Variants in DACH2 observed in about 807,000 individuals in gnomAD.
DACH2 encodes dachshund homolog 2.
DACH2 carries 17 observed loss-of-function variants against 35.8 expected under a neutral mutation model. The ratio of observed to expected loss-of-function variants is 0.48; its 90% CI spans 0.33 to 0.71. The LOEUF is 0.71. Ranked by LOEUF, DACH2 falls within the 30% of genes least tolerant of loss-of-function variation. The pLI, the probability that DACH2 is intolerant of heterozygous loss-of-function variation, is 0.02. For synonymous variants in DACH2, 195 were observed against 177.3 expected, an observed-to-expected ratio of 1.10 and a Z score of -0.79; for missense variants, 469 against 472.7, an observed-to-expected ratio of 0.99 and a Z score of 0.07.
intron 3 of DACH2, among the ~76,000 whole-genome samples, chrX:86,648,947 G>C (rs1302284486): frequency 9.1e-6 from 1 of 110,007 alleles, no homozygotes; most frequent in Non-Finnish European, 1.9e-5. Context: ...ATCCTTTAGA[G>C]ATTTTTTTTT....
chrX:86,290,799 A>G (rs1436983927), intron 1 of DACH2, among the ~76,000 whole-genome samples: 1 of 97,859 alleles, frequency 1.0e-5, no homozygotes, highest in East Asian at 3.4e-4. Flanking sequence ...TTTTGGTACC[A>G]GTACCATGCT....
chrX:86,697,699 A>AT (rs1285058080), intron 5 of DACH2, among the ~76,000 whole-genome samples: 2 of 64,802 alleles, frequency 3.1e-5, no homozygotes, highest in Non-Finnish European at 5.9e-5. Flanking sequence ...AATGCTAGGG[A>AT]TAAAAAAAAA....
chrX:86,479,271 C>T (rs953774516), intron 2 of DACH2, among the ~76,000 whole-genome samples: 81 of 110,711 alleles, frequency 7.3e-4, no homozygotes, highest in African/African-American at 2.6e-3. Flanking sequence ...GGGGGCATGG[C>T]GGGCCAGCGT....
intron 2 of DACH2, among the ~76,000 whole-genome samples, chrX:86,466,299 C>T (rs1400705091): frequency 9.0e-6 from 1 of 111,169 alleles, no homozygotes; most frequent in African/African-American, 3.3e-5. Context: ...GAGTCCCTCC[C>T]ACAACATGCA....
chrX:86,393,955 T>G (rs2036240661), intron 2 of DACH2, among the ~76,000 whole-genome samples: 1 of 108,197 alleles, frequency 9.2e-6, no homozygotes, highest in African/African-American at 3.3e-5. Flanking sequence ...ATTATTATTA[T>G]TATTATTATT....
intron 4 of DACH2, among the ~76,000 whole-genome samples, chrX:86,651,935 G>T (rs2040483376): frequency 8.9e-6 from 1 of 111,780 alleles, no homozygotes; most frequent in Non-Finnish European, 1.9e-5. Flanking sequence ...AAAGATTGAA[G>T]AAATATTTAA....
At chrX:86,196,416 G>T (rs1246179962) in intron 1 of DACH2, among the ~76,000 whole-genome samples, 1 of 110,613 alleles carries the variant, frequency 9.0e-6, no homozygotes, top group African/African-American at 3.3e-5. Flanking sequence ...AAGCAGGCTG[G>T]ATGCAGTGGC....
intron 7 of DACH2, among the ~76,000 whole-genome samples, chrX:86,769,249 C>T (rs1300576357): frequency 9.0e-6 from 1 of 111,548 alleles, no homozygotes; most frequent in East Asian, 2.8e-4. Flanking sequence ...AAGATCTCTG[C>T]AAGGAAAACT....
intron 4 of DACH2, among the ~76,000 whole-genome samples, chrX:86,657,418 A>G (rs2040556245): frequency 1.8e-5 from 2 of 111,443 alleles, no homozygotes. Flanking sequence ...CACAAATATT[A>G]TAAATTATTA....
chrX:86,814,573 T>G lies in DACH2; in HGVS notation c.1538-115T>G. 3 of 768,241 alleles carry G rather than the reference T, an allele frequency of 3.9e-6. No individual in the cohort carries two copies. In the South Asian group the frequency reaches 9.0e-5, roughly 23 times the overall value. 63.3% of individuals were successfully genotyped at this position (768,241 alleles called of 1,213,427 possible). A position where few individuals can be genotyped will look rare whatever the true frequency, so the allele number is the denominator to read the frequency against. The stretch of plus-strand genomic sequence containing the variant: ...AAAAGAACGCTAATCATATGTCAAG[T>G]GAAATATTTCTATATCTCTCTTTAT... On this transcript the variant is annotated intron_variant, in intron 9 of 11. Coordinates refer to ENST00000373125, the MANE Select transcript of DACH2 (RefSeq NM_053281.3).
intron 1 of DACH2, among the ~76,000 whole-genome samples, chrX:86,225,106 CTAAAA>C (rs1444738947): frequency 9.3e-6 from 1 of 107,827 alleles, no homozygotes; most frequent in African/African-American, 3.3e-5. Context: ...GATGAACACT[CTAAAA>C]TGAGAGCTAG....
At chrX:86,204,636 G>A (rs2032238826) in intron 1 of DACH2, among the ~76,000 whole-genome samples, 2 of 111,965 alleles carry the variant, frequency 1.8e-5, no homozygotes, top group African/African-American at 3.2e-5. Flanking sequence ...GTAAATCGAT[G>A]TTCAGGGGAT....
intron 3 of DACH2, among the ~76,000 whole-genome samples, chrX:86,597,191 G>A (rs775437917): frequency 1.8e-5 from 2 of 111,740 alleles, no homozygotes; most frequent in African/African-American, 6.5e-5. Context: ...ATATTGATTC[G>A]AATTGCATTG....
intron 2 of DACH2, among the ~76,000 whole-genome samples, chrX:86,406,298 A>C (rs985578028): frequency 7.1e-5 from 8 of 111,984 alleles, no homozygotes; most frequent in African/African-American, 1.3e-4. Context: ...ACAGAAAACT[A>C]AATATCACAT....
At chrX:86,684,574 T>C (rs889898008) in intron 4 of DACH2, among the ~76,000 whole-genome samples, 1 of 111,449 alleles carries the variant, frequency 9.0e-6, no homozygotes, top group African/African-American at 3.2e-5. Context: ...TAAATTATGT[T>C]ACAAGTAGAT....
chrX:86,828,915 T>G, intron 11 of DACH2: 1 of 111,594 alleles, frequency 9.0e-6, no homozygotes, highest in Admixed American at 9.6e-5. Flanking sequence ...ATATAATCCA[T>G]TGTGTTGTTT....
chrX:86,375,945 C>T (rs773764512), intron 1 of DACH2, among the ~76,000 whole-genome samples: 46 of 110,684 alleles, frequency 4.2e-4, no homozygotes, highest in African/African-American at 1.5e-3. Flanking sequence ...AAAAGAACCA[C>T]ATTATAGTCC....
Position 86,662,030 on chromosome X carries a change from T to C in DACH2, c.772+10863T>C, listed in dbSNP as rs762097724. Among the ~76,000 whole-genome samples, 6 of 112,201 alleles carry C rather than the reference T, an allele frequency of 5.3e-5. No homozygotes were observed. The Admixed American group carries it at 5.7e-4, about 11-fold the overall frequency. On this transcript the variant is annotated intron_variant, in intron 4 of 11. Coordinates refer to ENST00000373125, the MANE Select transcript of DACH2 (RefSeq NM_053281.3). ...AAGTGAAATATGATTGTTTGGTTGA[T>C]ATGTACAGAGAGGAATTGACCTCTG...
intron 4 of DACH2, among the ~76,000 whole-genome samples, chrX:86,667,303 AAAGAAGGAAG>A: frequency 3.2e-5 from 2 of 63,316 alleles, no homozygotes; most frequent in African/African-American, 1.3e-4. Context: ...GGAAGGAAGG[AAAGAAGGAAG>A]GAAGGAAGGA....
Sources: allele counts gnomAD v4.1 joint callset (sites outside exome capture counted in the v4.1 genomes callset), GRCh38; gene constraint gnomAD v4.1.1; transcripts MANE v1.5; gene names NCBI Gene and HGNC (gene_info 2026-07-23, HGNC 2026-07-21).